Variants in FAM107B observed in about 807,000 individuals in gnomAD.
FAM107B encodes the protein family with sequence similarity 107 member B.
FAM107B carries 21 observed loss-of-function variants against 31.5 expected under a neutral mutation model. The observed-to-expected ratio is 0.67, with a 90% confidence interval of 0.47 to 0.96. FAM107B has a LOEUF of 0.96. Ranked by LOEUF, FAM107B falls within the 40% of genes least tolerant of loss-of-function variation. The pLI, the probability that FAM107B is intolerant of heterozygous loss-of-function variation, is 0.00. For missense variants in FAM107B, 452 were observed against 377.1 expected (o/e 1.20, Z -1.64); for synonymous variants, 157 against 141.5 (o/e 1.11, Z -0.78).
intron 2 of FAM107B, among the ~76,000 whole-genome samples, chr10:14,616,999 T>C (rs1057220079): frequency 6.7e-6 from 1 of 149,732 alleles, no homozygotes; most frequent in Non-Finnish European, 1.5e-5. Flanking sequence ...GGTGGGTGAA[T>C]AAGAGAAGGA....
rs1452445631 is a variant in FAM107B at position 14,651,602 on chromosome 10, C to CA, written c.469+16031dup. Among the ~76,000 whole-genome samples, 9 of 152,128 alleles carry CA rather than the reference C, an allele frequency of 5.9e-5. No individual in the cohort carries two copies. The South Asian group carries it at 6.2e-4, about 11-fold the overall frequency. ...GTGCAACAAGAGTGAAACCCCGTCT[C>CA]AAAAAACAAAACAAAACAGATATAT... is the stretch of plus-strand genomic sequence containing the variant. On this transcript the variant is annotated intron_variant, in intron 2 of 4. Coordinates refer to ENST00000181796, the MANE Select transcript of FAM107B (RefSeq NM_031453.4).
At chr10:14,528,900 CTT>C (rs1405218427) in intron 3 of FAM107B, among the ~76,000 whole-genome samples, 2 of 152,134 alleles carry the variant, frequency 1.3e-5, no homozygotes, top group Non-Finnish European at 2.9e-5. Flanking sequence ...TTACTCTGAC[CTT>C]TATTCTGACT....
chr10:14,621,261 T>G (rs970545131), intron 2 of FAM107B, among the ~76,000 whole-genome samples: 1 of 152,214 alleles, frequency 6.6e-6, no homozygotes, highest in African/African-American at 2.4e-5. Flanking sequence ...TTTCGATGTT[T>G]TGAAAGCAAC....
intron 1 of FAM107B, among the ~76,000 whole-genome samples, chr10:14,692,812 T>C (rs1855173116): frequency 6.6e-6 from 1 of 152,180 alleles, no homozygotes; most frequent in African/African-American, 2.4e-5. Context: ...CGGGCCGGGG[T>C]TATTCAATTA....
At chr10:14,571,335 C>T (rs1344492531) in intron 2 of FAM107B, among the ~76,000 whole-genome samples, 1 of 152,090 alleles carries the variant, frequency 6.6e-6, no homozygotes, top group East Asian at 1.9e-4. Flanking sequence ...ATCAGGCCTA[C>T]AATCTTCACT....
intron 2 of FAM107B, among the ~76,000 whole-genome samples, chr10:14,630,858 T>C (rs186691422): frequency 9.9e-5 from 15 of 151,480 alleles, no homozygotes; most frequent in Admixed American, 9.2e-4. Context: ...TCAAAAATAA[T>C]AATAATAATA....
rs143812856 is a variant in FAM107B at position 14,743,177 on chromosome 10, C to T, written c.411+31076G>A. Among the ~76,000 whole-genome samples the T allele has an allele frequency of 3.9e-3, 599 of 152,062 alleles. 11 individuals are homozygous for T. Among genetic ancestry groups the T allele is most frequent in the South Asian group, 7.3e-3 (35 of 4,802 alleles). ...GCTGCATGTATGTCTTCTTTTGAGA[C>T]GTGTCTGTTCATGTCCTTTGCCCAC... On this transcript the variant is annotated intron_variant, in intron 1 of 4. Transcript: ENST00000181796.
intron 2 of FAM107B, among the ~76,000 whole-genome samples, chr10:14,645,228 C>T (rs1452343261): frequency 6.6e-6 from 1 of 152,158 alleles, no homozygotes; most frequent in Non-Finnish European, 1.5e-5. Flanking sequence ...CCTGACTGTC[C>T]TTTCTGCCCA....
intron 2 of FAM107B, among the ~76,000 whole-genome samples, chr10:14,601,922 G>A (rs1447520004): frequency 1.3e-5 from 2 of 152,074 alleles, no homozygotes; most frequent in South Asian, 2.1e-4. Context: ...GGAAAGATTC[G>A]ATGAATGAAT....
chr10:14,583,570 A>T (rs10906706), intron 2 of FAM107B, among the ~76,000 whole-genome samples: 52,775 of 151,408 alleles, frequency 0.35, 10,509 homozygotes, highest in Non-Finnish European at 0.45. Context: ...TAATTTTTTT[A>T]AAAAGTGGTC....
intron 2 of FAM107B, among the ~76,000 whole-genome samples, chr10:14,591,532 G>A (rs1015999118): frequency 1.1e-4 from 16 of 152,048 alleles, no homozygotes; most frequent in Non-Finnish European, 2.4e-4. Flanking sequence ...CTCATCTCAT[G>A]CTCACTGCCA....
chr10:14,570,214 CTACCA>C (rs1200148363), intron 2 of FAM107B, among the ~76,000 whole-genome samples: 1 of 147,280 alleles, frequency 6.8e-6, no homozygotes, highest in African/African-American at 2.5e-5. Flanking sequence ...GAAAACGTAC[CTACCA>C]AAAAAATGTG....
chr10:14,605,949 G>A (rs1011060628), intron 2 of FAM107B, among the ~76,000 whole-genome samples: 2 of 152,276 alleles, frequency 1.3e-5, no homozygotes, highest in South Asian at 4.1e-4. Flanking sequence ...TCACAATATG[G>A]TGGCAGGGGT....
chr10:14,575,936 A>T (rs1302809581), intron 2 of FAM107B, among the ~76,000 whole-genome samples: 1 of 152,240 alleles, frequency 6.6e-6, no homozygotes, highest in Non-Finnish European at 1.5e-5. Context: ...ATTGTCATAC[A>T]TGCTACCACA....
chr10:14,751,398 G>A (rs140812431), intron 1 of FAM107B, among the ~76,000 whole-genome samples: 7 of 152,266 alleles, frequency 4.6e-5, no homozygotes, highest in African/African-American at 1.7e-4. Flanking sequence ...CAGTCCAGCT[G>A]GGAAACCACC....
At chr10:14,724,101 CA>C in intron 1 of FAM107B, 1 of 596,664 alleles carries the variant, frequency 1.7e-6, no homozygotes, top group East Asian at 3.2e-5. Context: ...AGAACAATGC[CA>C]AATGGACTCC....
Position 14,530,479 on chromosome 10 carries a change from T to C in FAM107B, c.506A>G (p.Tyr169Cys). 1.9e-6 allele frequency: 3 copies of C among 1,613,938 alleles called. No homozygotes were observed. Among genetic ancestry groups the C allele is most frequent in the Non-Finnish European group, 2.5e-6 (3 of 1,180,008 alleles). ...PPEDIDHKDS[Y>C]LITRSIMAEP... ...GGCCATGATGCTTCTTGTAATGAGA[T>C]ATGAGTCCTTATGGTCAATATCCTC... Residue 169 changes from tyrosine to cysteine, a missense_variant, in exon 3 of 5, where the codon TAT becomes TGT. Transcript: ENST00000181796.
At chr10:14,646,719 C>G (rs1853763696) in intron 2 of FAM107B, among the ~76,000 whole-genome samples, 1 of 150,706 alleles carries the variant, frequency 6.6e-6, no homozygotes, top group African/African-American at 2.4e-5. Flanking sequence ...AGTAGATCTA[C>G]TCTTAGTTCC....
At chr10:14,679,595 C>A (rs1854779160) in intron 1 of FAM107B, among the ~76,000 whole-genome samples, 1 of 152,218 alleles carries the variant, frequency 6.6e-6, no homozygotes, top group South Asian at 2.1e-4. Context: ...GTTGCTACCC[C>A]TTGGACATAA....
Sources: allele counts gnomAD v4.1 joint callset (sites outside exome capture counted in the v4.1 genomes callset), GRCh38; gene constraint gnomAD v4.1.1; transcripts MANE v1.5; gene names NCBI Gene and HGNC (gene_info 2026-07-23, HGNC 2026-07-21).